Variants in DNAL1 observed in about 807,000 individuals in gnomAD.
DNAL1 encodes the protein chromosome 14 open reading frame 168.
Under a neutral mutation model 29.4 loss-of-function variants are expected in DNAL1, and 17 were observed. The observed-to-expected ratio is 0.58, with a 90% CI of 0.40 to 0.87. DNAL1 has a LOEUF of 0.87. Among genes scored for constraint, DNAL1 ranks in the 40% least tolerant of loss-of-function variants. The pLI is 0.00. For synonymous variants in DNAL1, 78 were observed against 76.3 expected (o/e 1.02, Z -0.12); for missense variants, 188 against 214.1 (o/e 0.88, Z 0.76).
chr14:73,671,515 CA>C (rs747286974), intron 4 of DNAL1, 26 bp from the exon 5 acceptor site: 7 of 1,430,466 alleles, frequency 4.9e-6, no homozygotes, highest in South Asian at 1.6e-5. Context: ...TTCTAGTAAA[CA>C]AAAAAATGTT....
At chr14:73,688,081 T>G (rs908868713) in intron 6 of DNAL1, among the ~76,000 whole-genome samples, 2 of 152,020 alleles carry the variant, frequency 1.3e-5, no homozygotes, top group Non-Finnish European at 2.9e-5. Context: ...ATGAAAAAAA[T>G]TTAAGCTATT....
intron 7 of DNAL1, 35 bp downstream of exon 7, chr14:73,689,550 T>C (rs1482769880): frequency 1.3e-6 from 2 of 1,575,306 alleles, no homozygotes; most frequent in Admixed American, 3.7e-5. Flanking sequence ...ACATATCTTC[T>C]AGGCATAAAA....
At chr14:73,693,280 C>T (rs1892220580) in intron 7 of DNAL1, among the ~76,000 whole-genome samples, 1 of 151,612 alleles carries the variant, frequency 6.6e-6, no homozygotes, top group Non-Finnish European at 1.5e-5. Flanking sequence ...CTACAAAACT[C>T]TACACATACA....
Position 73,689,967 on chromosome 14 carries a change from C to T in DNAL1, c.532+452C>T, listed in dbSNP as rs867559401. On this transcript the variant is annotated intron_variant, in intron 7 of 7. Transcript: ENST00000553645. ...AGGAGAATCACTTGAACTCGGCAGG[C>T]GGAGGTTGCAGTGAGCTGAGATTGT... Among the ~76,000 whole-genome samples the T allele has an allele frequency of 4.9e-3, 712 of 145,628 alleles. 3 individuals carry two copies. Among genetic ancestry groups the T allele is most frequent in the Middle Eastern group, 0.025 (7 of 276 alleles).
intron 5 of DNAL1, among the ~76,000 whole-genome samples, chr14:73,683,062 G>C (rs1415503121): frequency 6.6e-6 from 1 of 151,836 alleles, no homozygotes; most frequent in Non-Finnish European, 1.5e-5. Context: ...TTTTAGTAGA[G>C]ACAGGGTTTC....
chr14:73,681,092 T>G (rs531688644), intron 5 of DNAL1, among the ~76,000 whole-genome samples: 2 of 151,552 alleles, frequency 1.3e-5, no homozygotes, highest in Admixed American at 1.3e-4. Context: ...CTGTAGATTT[T>G]TTGTTGTTGT....
intron 6 of DNAL1, among the ~76,000 whole-genome samples, chr14:73,687,736 C>G (rs936061134): frequency 1.8e-4 from 28 of 151,808 alleles, no homozygotes; most frequent in African/African-American, 6.3e-4. Flanking sequence ...AGCCGGGCGT[C>G]GTGGCGGGCG....
intron 5 of DNAL1, among the ~76,000 whole-genome samples, chr14:73,681,759 C>T (rs1470713184): frequency 1.3e-5 from 2 of 149,866 alleles, no homozygotes; most frequent in Admixed American, 1.3e-4. Flanking sequence ...CACACCACTG[C>T]ACTCCAGCCT....
At chr14:73,668,815 T>G (rs1358894253) in intron 4 of DNAL1, among the ~76,000 whole-genome samples, 1 of 152,180 alleles carries the variant, frequency 6.6e-6, no homozygotes. Flanking sequence ...TAGCTGGGAT[T>G]ACAGGGACAC....
rs1892365055 is a variant in DNAL1 at position 73,698,852 on chromosome 14, T to C, written c.*2910T>C. 1 of 152,224 alleles carries C rather than the reference T, an allele frequency of 6.6e-6. No individual in the cohort carries two copies. Among genetic ancestry groups the C allele is most frequent in the African/African-American group, 2.4e-5 (1 of 41,460 alleles). The allele number at this position is 152,224 out of a possible 1,614,324, so 9.4% of individuals were successfully genotyped here. ...TCTACCAAGGAGTTTAACTTTTCTA[T>C]GTTCCCTAACTCTAAGATTAGGGCT... On this transcript the variant is annotated 3_prime_UTR_variant, in exon 8 of 8. Transcript: ENST00000553645.
At chr14:73,680,084 T>C (rs1310878301) in intron 5 of DNAL1, among the ~76,000 whole-genome samples, 1 of 152,210 alleles carries the variant, frequency 6.6e-6, no homozygotes, top group Admixed American at 6.5e-5. Flanking sequence ...TATTTTGATA[T>C]CAAGAAAAAT....
At chr14:73,686,984 G>C (rs1892032409) in intron 5 of DNAL1, among the ~76,000 whole-genome samples, 1 of 150,914 alleles carries the variant, frequency 6.6e-6, no homozygotes, top group Admixed American at 6.6e-5. Context: ...GGTGATTTCA[G>C]TATTAGTAAC....
chr14:73,686,823 C>T lies in DNAL1; in HGVS notation c.265-436C>T, dbSNP rs1008599632. ...TTAATAGTGTGTTCTTAGAAAAAGCCCTTAATCCCTCTGTAATAGAAATCA... is the reference window on the plus strand; with the variant it reads ...TTAATAGTGTGTTCTTAGAAAAAGCTCTTAATCCCTCTGTAATAGAAATCA... On this transcript the variant is annotated intron_variant, in intron 5 of 7. Coordinates refer to ENST00000553645, the MANE Select transcript of DNAL1 (RefSeq NM_031427.4). Among the ~76,000 whole-genome samples the T allele has an allele frequency of 2.8e-4, 43 of 152,030 alleles. 1 individual carries two copies. The highest frequency in any genetic ancestry group is 1.3e-4 in the Non-Finnish European group (9 of 68,002).
Position 73,654,842 on chromosome 14 carries a change from T to TA in DNAL1, c.4-2dup. On this transcript the variant is annotated splice_polypyrimidine_tract_variant and splice_region_variant and intron_variant, in intron 1 of 7. Coordinates refer to ENST00000553645, the MANE Select transcript of DNAL1 (RefSeq NM_031427.4). ...TTCTTTTCTTTCTTTTTTTTTTTTT[T>TA]AAAGGCGAAAGCAACAACAATCAAA... The TA allele has an allele frequency of 6.7e-7, 1 of 1,488,928 alleles. No individual in the cohort carries two copies. 92.2% of individuals were successfully genotyped at this position (1,488,928 alleles called of 1,614,324 possible). A position where few individuals can be genotyped will look rare whatever the true frequency, so the allele number is the denominator to read the frequency against.
At chr14:73,654,918 CTG>C (rs1469304434) in intron 2 of DNAL1, 33 bp downstream of exon 2, 2 of 1,534,202 alleles carry the variant, frequency 1.3e-6, no homozygotes, top group East Asian at 2.5e-5. Flanking sequence ...CTTTTAGAAA[CTG>C]TACAAGGAAA....
At chr14:73,654,728 C>T (rs1891172157) in intron 1 of DNAL1, 119 bp from the exon 2 acceptor site, 5 of 930,716 alleles carry the variant, frequency 5.4e-6, no homozygotes, top group Non-Finnish European at 7.5e-6. Context: ...CATTGCACTC[C>T]AGCCTGGGTG....
In DNAL1 at chr14:73,699,310, T is replaced by C. The variant is rs1892374904; in HGVS notation, c.*3368T>C. Reference sequence around the variant, plus strand: ...CACTGGTATTTTTTGTAATGCTCATTTTTTTTTTTTTTTGAGACAGAGTCT... The same window carrying C: ...CACTGGTATTTTTTGTAATGCTCATCTTTTTTTTTTTTTGAGACAGAGTCT... On this transcript the variant is annotated 3_prime_UTR_variant, in exon 8 of 8. Transcript: ENST00000553645. 7.2e-6 allele frequency: 1 copy of C among 138,426 alleles called. No individual in the cohort carries two copies. The highest frequency in any genetic ancestry group is 1.6e-5 in the Non-Finnish European group (1 of 64,434). 8.6% of individuals were successfully genotyped at this position (138,426 alleles called of 1,614,324 possible). A position where few individuals can be genotyped will look rare whatever the true frequency, so the allele number is the denominator to read the frequency against.
chr14:73,653,565 C>G (rs1350447651), intron 1 of DNAL1, among the ~76,000 whole-genome samples: 1 of 151,758 alleles, frequency 6.6e-6, no homozygotes, highest in Non-Finnish European at 1.5e-5. Flanking sequence ...TCTATGTTGC[C>G]CAGGCTGGTA....
chr14:73,676,028 T>C (rs1735180164), intron 5 of DNAL1, among the ~76,000 whole-genome samples: 1 of 150,970 alleles, frequency 6.6e-6, no homozygotes, highest in African/African-American at 2.4e-5. Flanking sequence ...AATAAATAAA[T>C]AAGTAAATAA....
Sources: allele counts gnomAD v4.1 joint callset (sites outside exome capture counted in the v4.1 genomes callset), GRCh38; gene constraint gnomAD v4.1.1; transcripts MANE v1.5; gene names NCBI Gene and HGNC (gene_info 2026-07-23, HGNC 2026-07-21).